ITGB6: variants seen among roughly 807,000 people sequenced by gnomAD.
ITGB6 encodes the protein integrin subunit beta 6.
Under a neutral mutation model 84.5 loss-of-function variants are expected in ITGB6, and 80 were observed. That is an observed-to-expected ratio of 0.95 (90% CI 0.79 to 1.14). The LOEUF (loss-of-function observed/expected upper bound fraction) is 1.14. ITGB6 is among the 50% of genes most tolerant of loss of function. The pLI is 0.00. For synonymous variants in ITGB6, 383 were observed against 354.9 expected, an observed-to-expected ratio of 1.08 and a Z score of -0.89; for missense variants, 1,006 against 968.0, an observed-to-expected ratio of 1.04 and a Z score of -0.52.
intron 12 of ITGB6, among the ~76,000 whole-genome samples, chr2:160,114,642 C>G (rs1682682529): frequency 6.6e-6 from 1 of 152,164 alleles, no homozygotes; most frequent in Admixed American, 6.5e-5. Context: ...CTAGGGAGTG[C>G]CAGACAGTGG....
At chr2:160,180,717 A>T (rs1022760781) in intron 4 of ITGB6, among the ~76,000 whole-genome samples, 17 of 152,366 alleles carry the variant, frequency 1.1e-4, no homozygotes, top group African/African-American at 4.1e-4. Flanking sequence ...AAATAGGAAC[A>T]GCTCCAGTAT....
At chr2:160,105,806 T>C (rs780163343) in intron 14 of ITGB6, among the ~76,000 whole-genome samples, 21 of 152,224 alleles carry the variant, frequency 1.4e-4, no homozygotes, top group Non-Finnish European at 2.6e-4. Flanking sequence ...TGAACTGTCC[T>C]ACAACTTTGG....
At position 160,160,104 on chromosome 2, in the gene ITGB6, C is replaced by T. The variant is rs78855639; in HGVS notation, c.1017+9108G>A. On this transcript the variant is annotated intron_variant, in intron 7 of 14. Transcript: ENST00000283249. ...GCTTGTTTTTGTAAATAACTATGCT[C>T]ATTTATTTATGTATTGTCCATGGCC... is the stretch of plus-strand genomic sequence containing the variant. Among the ~76,000 whole-genome samples, 1,004 of 152,258 alleles carry T rather than the reference C, an allele frequency of 6.6e-3. 8 individuals are homozygous for T. Among genetic ancestry groups the T allele is most frequent in the Non-Finnish European group, 0.012 (813 of 68,004 alleles).
At position 160,137,475 on chromosome 2, in the gene ITGB6, T is replaced by C; in HGVS notation, c.1619A>G (p.Asp540Gly). Residue 540 changes from aspartate to glycine, a missense_variant, in exon 10 of 15, where the codon GAC (aspartate) becomes GGC (glycine). By Grantham distance (94) the Asp-to-Gly change is moderately conservative (BLOSUM62 -1). Coordinates refer to ENST00000283249, the MANE Select transcript of ITGB6 (RefSeq NM_000888.5). ...TTTGTGTCTCACGCAGGAGAAATTG[T>C]CACACTGGCAATAAGGCCCATAAAT... ...GNIYGPYCQC[D>G]NFSCVRHKGL... 6.2e-7 allele frequency: 1 copy of C among 1,613,336 alleles called. No individual in the cohort carries two copies. Among genetic ancestry groups the C allele is most frequent in the Non-Finnish European group, 8.5e-7 (1 of 1,179,354 alleles).
In ITGB6 at chr2:160,126,617, C is replaced by T. The variant is rs377068172; in HGVS notation, c.1661-16G>A. 4.1e-5 allele frequency: 65 copies of T among 1,603,686 alleles called. No individual in the cohort carries two copies. The highest frequency in any genetic ancestry group is 4.5e-5 in the Non-Finnish European group (53 of 1,172,590). On this transcript the variant is annotated splice_polypyrimidine_tract_variant and intron_variant, in intron 10 of 14. Transcript: ENST00000283249. ...TCGCCGTTACCTGTAACACAAAATGCTCTATGCTTCTCACAGCCCCAAAAC... is the reference window on the plus strand; with the variant it reads ...TCGCCGTTACCTGTAACACAAAATGTTCTATGCTTCTCACAGCCCCAAAAC...
At chr2:160,193,429 C>A (rs780920783) in intron 4 of ITGB6, among the ~76,000 whole-genome samples, 4 of 152,040 alleles carry the variant, frequency 2.6e-5, no homozygotes, top group Non-Finnish European at 5.9e-5. Flanking sequence ...ATAGGCAAAA[C>A]CAATATAAAT....
intron 12 of ITGB6, among the ~76,000 whole-genome samples, chr2:160,117,338 C>T (rs912231589): frequency 5.3e-5 from 8 of 151,302 alleles, no homozygotes; most frequent in Non-Finnish European, 4.4e-5. Flanking sequence ...TGCAATCAAA[C>T]TAGGACTCAG....
rs114577162 is a variant in ITGB6 at position 160,159,386 on chromosome 2, T to C, written c.1017+9826A>G. On this transcript the variant is annotated intron_variant, in intron 7 of 14. Transcript: ENST00000283249. Reference sequence around the variant, plus strand: ...GTGTAGAACAGTCTATCAGAGGGCTTGTAGTGATTTGGAAAATAAAGGCAT... The same window carrying C: ...GTGTAGAACAGTCTATCAGAGGGCTCGTAGTGATTTGGAAAATAAAGGCAT... Among the ~76,000 whole-genome samples, 590 of 152,198 alleles carry C rather than the reference T, an allele frequency of 3.9e-3. 3 individuals carry two copies. Among genetic ancestry groups the C allele is most frequent in the African/African-American group, 0.014 (576 of 41,514 alleles).
rs779643400 is a variant in ITGB6, at chr2:160,101,699, A to G, written c.*37T>C. ...ATTAAATAGTGCATTAACATTTCATATCAGTGAAACAGACTTTTTTCATGC... is the reference window on the plus strand; with the variant it reads ...ATTAAATAGTGCATTAACATTTCATGTCAGTGAAACAGACTTTTTTCATGC... On this transcript the variant is annotated 3_prime_UTR_variant, in exon 15 of 15. Coordinates refer to ENST00000283249, the MANE Select transcript of ITGB6 (RefSeq NM_000888.5). 5 of 1,115,160 alleles carry G rather than the reference A, an allele frequency of 4.5e-6. No homozygotes were observed. Among genetic ancestry groups the G allele is most frequent in the South Asian group, 3.8e-5 (3 of 78,832 alleles). The allele number at this position is 1,115,160 out of a possible 1,614,324, so 69.1% of individuals were successfully genotyped here.
At chr2:160,192,625 A>C (rs1222762121) in intron 4 of ITGB6, among the ~76,000 whole-genome samples, 3 of 152,190 alleles carry the variant, frequency 2.0e-5, no homozygotes, top group Non-Finnish European at 4.4e-5. Flanking sequence ...GCTGGACTTC[A>C]TCAAAATTAC....
At chr2:160,156,280 A>G (rs912882683) in intron 7 of ITGB6, among the ~76,000 whole-genome samples, 5 of 151,906 alleles carry the variant, frequency 3.3e-5, no homozygotes, top group African/African-American at 1.2e-4. Context: ...GTGTAGACCC[A>G]GCAGACTCCT....
chr2:160,170,663 T>C (rs1685166760), intron 6 of ITGB6, among the ~76,000 whole-genome samples: 1 of 152,242 alleles, frequency 6.6e-6, no homozygotes, highest in Admixed American at 6.5e-5. Flanking sequence ...GTATTATTTT[T>C]TGGCCTGAGG....
At chr2:160,168,798 C>G (rs1245418004) in intron 7 of ITGB6, among the ~76,000 whole-genome samples, 1 of 152,154 alleles carries the variant, frequency 6.6e-6, no homozygotes, top group Admixed American at 6.5e-5. Context: ...TTCTAAGTAT[C>G]TAATTTGCAA....
intron 7 of ITGB6, among the ~76,000 whole-genome samples, chr2:160,150,460 C>A (rs868260457): frequency 5.3e-5 from 8 of 152,240 alleles, no homozygotes; most frequent in African/African-American, 1.9e-4. Flanking sequence ...GAAGGAAGAA[C>A]TAAACATGGA....
At chr2:160,134,269 A>G (rs1448769674) in intron 10 of ITGB6, among the ~76,000 whole-genome samples, 1 of 152,254 alleles carries the variant, frequency 6.6e-6, no homozygotes, top group Non-Finnish European at 1.5e-5. Flanking sequence ...AGAGAATACT[A>G]TAAACACCTC....
At chr2:160,155,661 G>A (rs561516702) in intron 7 of ITGB6, among the ~76,000 whole-genome samples, 8 of 152,238 alleles carry the variant, frequency 5.3e-5, no homozygotes, top group African/African-American at 9.6e-5. Flanking sequence ...ATTCTCAAAA[G>A]ATGCCTTTAA....
At chr2:160,183,431 A>G (rs763375661) in intron 4 of ITGB6, among the ~76,000 whole-genome samples, 4 of 152,212 alleles carry the variant, frequency 2.6e-5, no homozygotes, top group Admixed American at 6.5e-5. Flanking sequence ...ACACAACAAG[A>G]AAAGCTAACT....
chr2:160,118,926 G>C (rs573085742), intron 12 of ITGB6, among the ~76,000 whole-genome samples: 138 of 152,260 alleles, frequency 9.1e-4, no homozygotes, highest in South Asian at 2.9e-3. Context: ...TTGCTTCAAA[G>C]AGAATAAAAT....
intron 7 of ITGB6, among the ~76,000 whole-genome samples, chr2:160,164,047 T>C (rs755260180): frequency 7.9e-5 from 12 of 152,300 alleles, no homozygotes; most frequent in East Asian, 1.9e-4. Flanking sequence ...ATAGGAAAGA[T>C]AGTGAATAGA....
Sources: allele counts gnomAD v4.1 joint callset (sites outside exome capture counted in the v4.1 genomes callset), GRCh38; gene constraint gnomAD v4.1.1; transcripts MANE v1.5; gene names NCBI Gene and HGNC (gene_info 2026-07-23, HGNC 2026-07-21).